The following NUDT12 variants were observed in gnomAD, a reference collection of about 807,000 sequenced individuals.
NUDT12 encodes the protein nudix hydrolase 12, also known as NAD-capped RNA hydrolase NUDT12.
In NUDT12, 42 loss-of-function variants were observed where a neutral mutation model predicts 45.7. That is an observed-to-expected ratio of 0.92 (90% CI 0.72 to 1.19). The LOEUF is 1.19. Among genes scored for constraint, NUDT12 ranks in the 50% most tolerant of loss-of-function variants. NUDT12 has a pLI of 0.00. For synonymous variants in NUDT12, 206 were observed against 179.7 expected (o/e 1.15, Z -1.17); for missense variants, 590 against 533.1 (o/e 1.11, Z -1.05).
chr5:103,557,303 A>ATATATATATATATATATATG (rs1562619449), intron 3 of NUDT12, among the ~76,000 whole-genome samples: 5 of 140,442 alleles, frequency 3.6e-5, no homozygotes, highest in African/African-American at 1.3e-4. Context: ...ATATATATAT[A>ATATATATATATATATATATG]TGTCTAAAGA....
Position 103,560,244 on chromosome 5 carries a change from G to A in NUDT12, c.5C>T (p.Ser2Phe). Residue 2 changes from serine to phenylalanine, a missense_variant, in exon 2 of 7, where the codon TCT becomes TTT. Transcript: ENST00000230792. M[S>F]SVKRSLKQEI... ...TTGCTTCAGACTTCTTTTTACAGAA[G>A]ACATTTCTTCCTTAAAAGAAGGAAA... 1 of 1,610,808 alleles carries A rather than the reference G, an allele frequency of 6.2e-7. No homozygotes were observed. Among genetic ancestry groups the A allele is most frequent in the Non-Finnish European group, 8.5e-7 (1 of 1,177,218 alleles).
In NUDT12 at chr5:103,558,930, A is replaced by G. The variant is rs1229082068; in HGVS notation, c.745T>C (p.Phe249Leu). ...EFKQRHENCY[F>L]LHPPMPALLQ... ...AGGGCTGGCATAGGAGGATGAAGAA[A>G]GTAACAATTTTCATGTCTTTGCTTG... The change falls in exon 3 of 7, where the codon TTT becomes CTT. Residue 249 changes from phenylalanine to leucine, a missense_variant. Coordinates refer to ENST00000230792, the MANE Select transcript of NUDT12 (RefSeq NM_031438.4). 1 of 1,609,384 alleles carries G rather than the reference A, an allele frequency of 6.2e-7. No homozygotes were observed. Among genetic ancestry groups the G allele is most frequent in the Middle Eastern group, 1.7e-4 (1 of 6,038 alleles).
intron 5 of NUDT12, 78 bp from the exon 6 acceptor site, chr5:103,552,494 T>C: frequency 9.3e-7 from 1 of 1,070,932 alleles, no homozygotes; most frequent in Non-Finnish European, 1.4e-6. Flanking sequence ...TTCAAACATC[T>C]GGAAATCACT....
intron 2 of NUDT12, 55 bp from the exon 3 acceptor site, chr5:103,559,523 T>TA: frequency 1.2e-6 from 1 of 856,396 alleles, no homozygotes; most frequent in Non-Finnish European, 1.7e-6. Context: ...GTAAACACTT[T>TA]CTCCGTATTT....
At position 103,548,922 on chromosome 5, in the gene NUDT12, T is replaced by C. The variant is rs187427831; in HGVS notation, c.*1939A>G. ...AGAATACATTCACGGCACTATCACA[T>C]CTACTATTCTTTTGAACTGGCCATT... On this transcript the variant is annotated 3_prime_UTR_variant, in exon 7 of 7. Coordinates refer to ENST00000230792, the MANE Select transcript of NUDT12 (RefSeq NM_031438.4). 6 of 152,276 alleles carry C rather than the reference T, an allele frequency of 3.9e-5. No individual in the cohort carries two copies. The highest frequency in any genetic ancestry group is 3.9e-4 in the East Asian group (2 of 5,184). 9.4% of individuals were successfully genotyped at this position (152,276 alleles called of 1,614,324 possible). A position where few individuals can be genotyped will look rare whatever the true frequency, so the allele number is the denominator to read the frequency against.
Position 103,559,332 on chromosome 5 carries a change from C to A in NUDT12, c.343G>T (p.Glu115Ter), listed in dbSNP as rs200217849. Residue 115 changes from glutamate to a stop codon, truncating the protein, a stop_gained, in exon 3 of 7, where the codon GAA becomes TAA. Coordinates refer to ENST00000230792, the MANE Select transcript of NUDT12 (RefSeq NM_031438.4). LOFTEE classifies it high-confidence loss of function. ...KKPWFLTNEV[E>*]ECENYFSKTL... is the part of the protein sequence containing the mutation. Reference sequence around the variant, plus strand: ...TTGCTAAAATAATTTTCACATTCTTCCACTTCATTCGTTAGGAACCAAGGC... The same window carrying A: ...TTGCTAAAATAATTTTCACATTCTTACACTTCATTCGTTAGGAACCAAGGC... The A allele has an allele frequency of 1.2e-6, 2 of 1,613,406 alleles. No individual in the cohort carries two copies. The highest frequency in any genetic ancestry group is 2.7e-5 in the African/African-American group (2 of 74,882).
Position 103,562,760 on chromosome 5 carries a change from C to T in NUDT12, c.-64G>A, listed in dbSNP as rs1161169244. 7.1e-6 allele frequency: 1 copy of T among 141,376 alleles called. No individual in the cohort carries two copies. The highest frequency in any genetic ancestry group is 1.5e-5 in the Non-Finnish European group (1 of 66,668). 8.8% of individuals were successfully genotyped at this position (141,376 alleles called of 1,614,324 possible). A position where few individuals can be genotyped will look rare whatever the true frequency, so the allele number is the denominator to read the frequency against. On this transcript the variant is annotated 5_prime_UTR_variant, in exon 1 of 7. It adds an upstream start codon to the 5' untranslated region. Coordinates refer to ENST00000230792, the MANE Select transcript of NUDT12 (RefSeq NM_031438.4). The stretch of plus-strand genomic sequence containing the variant: ...GCAGTCCAAAGATTGGGATATCCCA[C>T]TCGCTTTTCCTGGAGCCGGATGCAG...
At chr5:103,558,313 A>G (rs1421959489) in intron 3 of NUDT12, among the ~76,000 whole-genome samples, 1 of 151,858 alleles carries the variant, frequency 6.6e-6, no homozygotes, top group Non-Finnish European at 1.5e-5. Context: ...CTCCATCTCC[A>G]CTGCCTCCAT....
At position 103,559,018 on chromosome 5, in the gene NUDT12, C is replaced by G. The variant is rs763686043; in HGVS notation, c.657G>C (p.Glu219Asp). Residue 219 changes from glutamate to aspartate, a missense_variant, in exon 3 of 7, where the codon GAG becomes GAC. Glu to Asp is a conservative substitution (Grantham distance 45). Coordinates refer to ENST00000230792, the MANE Select transcript of NUDT12 (RefSeq NM_031438.4). ...ACCAGGCAACCAATCCATCTTCCTC[C>G]TCTCTCGGGACTTCACCAGCATAAT... Reference protein sequence around the residue: ...LLNYAGEVPREEEDGLVAWFA... With the variant: ...LLNYAGEVPRDEEDGLVAWFA... 2 of 1,613,812 alleles carry G rather than the reference C, an allele frequency of 1.2e-6. No individual in the cohort carries two copies. Among genetic ancestry groups the G allele is most frequent in the Non-Finnish European group, 8.5e-7 (1 of 1,179,768 alleles).
At chr5:103,556,783 G>T (rs1216651758) in intron 3 of NUDT12, among the ~76,000 whole-genome samples, 2 of 152,022 alleles carry the variant, frequency 1.3e-5, no homozygotes, top group African/African-American at 4.8e-5. Flanking sequence ...GAGGCAATAA[G>T]ACTAGAAATG....
chr5:103,550,772 C>T lies in NUDT12; in HGVS notation c.*89G>A, dbSNP rs1486560625. On this transcript the variant is annotated 3_prime_UTR_variant, in exon 7 of 7. Coordinates refer to ENST00000230792, the MANE Select transcript of NUDT12 (RefSeq NM_031438.4). Reference sequence around the variant, plus strand: ...ACATCGTATTTTGTGTTGTGACACTCTCAAGAGTACTGAATAATCTCTAAT... The same window carrying T: ...ACATCGTATTTTGTGTTGTGACACTTTCAAGAGTACTGAATAATCTCTAAT... 5.7e-6 allele frequency: 5 copies of T among 876,826 alleles called. No homozygotes were observed. Among genetic ancestry groups the T allele is most frequent in the African/African-American group, 1.7e-5 (1 of 59,762 alleles). The allele number at this position is 876,826 out of a possible 1,614,324, so 54.3% of individuals were successfully genotyped here.
intron 1 of NUDT12, 87 bp from the exon 2 acceptor site, chr5:103,560,341 T>C (rs1224257399): frequency 1.0e-5 from 8 of 772,748 alleles, no homozygotes; most frequent in East Asian, 2.7e-5. Context: ...AATAGAATAA[T>C]AGCAATGGTT....
intron 3 of NUDT12, among the ~76,000 whole-genome samples, chr5:103,556,315 A>G (rs1038599695): frequency 2.0e-5 from 3 of 152,036 alleles, no homozygotes; most frequent in Non-Finnish European, 2.9e-5. Flanking sequence ...TAACTTTCAT[A>G]TAAGATAGAC....
In NUDT12 at chr5:103,549,847, A is replaced by G. The variant is rs1331908914; in HGVS notation, c.*1014T>C. On this transcript the variant is annotated 3_prime_UTR_variant, in exon 7 of 7. Coordinates refer to ENST00000230792, the MANE Select transcript of NUDT12 (RefSeq NM_031438.4). Reference sequence around the variant, plus strand: ...TAGAATCTTACTGATTCAGCTCTAAAATATACTTACTTTGTCAAGGCTTCT... The same window carrying G: ...TAGAATCTTACTGATTCAGCTCTAAGATATACTTACTTTGTCAAGGCTTCT... 1 of 152,142 alleles carries G rather than the reference A, an allele frequency of 6.6e-6. No homozygotes were observed. Among genetic ancestry groups the G allele is most frequent in the East Asian group, 1.9e-4 (1 of 5,196 alleles). The allele number at this position is 152,142 out of a possible 1,614,324, so 9.4% of individuals were successfully genotyped here. A position where few individuals can be genotyped will look rare whatever the true frequency, so the allele number is the denominator to read the frequency against.
At position 103,550,821 on chromosome 5, in the gene NUDT12, T is replaced by C. The variant is rs1243188156; in HGVS notation, c.*40A>G. ...ATATCACTTGAGGAATGAGTGTTAT[T>C]AGAAATTATTAAATAATACTCAAAG... On this transcript the variant is annotated 3_prime_UTR_variant, in exon 7 of 7. Coordinates refer to ENST00000230792, the MANE Select transcript of NUDT12 (RefSeq NM_031438.4). 7.3e-7 allele frequency: 1 copy of C among 1,376,742 alleles called. No homozygotes were observed. Among genetic ancestry groups the C allele is most frequent in the Non-Finnish European group, 1.0e-6 (1 of 965,594 alleles). The allele number at this position is 1,376,742 out of a possible 1,614,324, so 85.3% of individuals were successfully genotyped here. A position where few individuals can be genotyped will look rare whatever the true frequency, so the allele number is the denominator to read the frequency against.
chr5:103,555,489 C>G (rs1434308171), intron 4 of NUDT12, among the ~76,000 whole-genome samples: 2 of 152,020 alleles, frequency 1.3e-5, no homozygotes, highest in Non-Finnish European at 2.9e-5. Flanking sequence ...TTCTTTCACA[C>G]AGTTTTAAAG....
chr5:103,550,779 G>A lies in NUDT12; in HGVS notation c.*82C>T, dbSNP rs1272809574. On this transcript the variant is annotated 3_prime_UTR_variant, in exon 7 of 7. Transcript: ENST00000230792. ...ATTTTGTGTTGTGACACTCTCAAGA[G>A]TACTGAATAATCTCTAATATCACTT... is the stretch of plus-strand genomic sequence containing the variant. The A allele has an allele frequency of 2.1e-6, 2 of 949,268 alleles. No homozygotes were observed. Among genetic ancestry groups the A allele is most frequent in the Non-Finnish European group, 1.7e-6 (1 of 598,034 alleles). The allele number at this position is 949,268 out of a possible 1,614,324, so 58.8% of individuals were successfully genotyped here.
rs189374574 is a variant in NUDT12 at position 103,550,678 on chromosome 5, T to C, written c.*183A>G. On this transcript the variant is annotated 3_prime_UTR_variant, in exon 7 of 7. Coordinates refer to ENST00000230792, the MANE Select transcript of NUDT12 (RefSeq NM_031438.4). ...AAATTTAACATAATCTGAGGCAATA[T>C]TGTAAAAATGTGTAAAAATATGAAT... is the stretch of plus-strand genomic sequence containing the variant. 974 of 446,150 alleles carry C rather than the reference T, an allele frequency of 2.2e-3. 8 individuals carry two copies. Among genetic ancestry groups the C allele is most frequent in the African/African-American group, 0.016 (831 of 50,820 alleles). The allele number at this position is 446,150 out of a possible 1,614,324, so 27.6% of individuals were successfully genotyped here.
intron 1 of NUDT12, among the ~76,000 whole-genome samples, chr5:103,561,928 C>T (rs953266983): frequency 1.3e-5 from 2 of 152,152 alleles, no homozygotes; most frequent in African/African-American, 4.8e-5. Context: ...GTACACTTTT[C>T]CCTCTAGCTT....
Sources: gnomAD v4.1 joint callset for allele counts (sites outside exome capture counted in the v4.1 genomes callset) on GRCh38, gnomAD v4.1.1 for gene constraint, MANE v1.5 for transcripts, NCBI Gene and HGNC (gene_info 2026-07-23, HGNC 2026-07-21) for gene names.